The following CENPP variants were observed in gnomAD, a reference collection of about 807,000 sequenced individuals.
CENPP encodes centromere protein P.
Under a neutral mutation model 35.6 loss-of-function variants are expected in CENPP, and 24 were observed. That is an observed-to-expected ratio of 0.67 (90% confidence interval 0.49 to 0.95). The LOEUF (loss-of-function observed/expected upper bound fraction) is 0.95, where lower values mean the gene tolerates loss of function less well. Among genes scored for constraint, CENPP ranks in the 40% least tolerant of loss-of-function variants. The pLI is 0.00. For missense variants in CENPP, 332 were observed against 345.3 expected (o/e 0.96, Z 0.31); for synonymous variants, 120 against 125.5 (o/e 0.96, Z 0.29).
At chr9:92,357,924 A>T (rs910614941) in intron 4 of CENPP, among the ~76,000 whole-genome samples, 1 of 152,062 alleles carries the variant, frequency 6.6e-6, no homozygotes, top group Non-Finnish European at 1.5e-5. Flanking sequence ...TTCTGATGAA[A>T]AATCTGCTGA....
chr9:92,477,450 G>A (rs186618152), intron 5 of CENPP, among the ~76,000 whole-genome samples: 1 of 152,086 alleles, frequency 6.6e-6, no homozygotes, highest in Admixed American at 6.5e-5. Flanking sequence ...ATCAAAGTTG[G>A]CCCCTGATTC....
chr9:92,334,772 C>T (rs1288152662), intron 2 of CENPP, among the ~76,000 whole-genome samples: 2 of 151,598 alleles, frequency 1.3e-5, no homozygotes, highest in Non-Finnish European at 2.9e-5. Context: ...CCCAGCTGCT[C>T]GGGAGGCTGA....
chr9:92,354,260 C>T (rs1464344456), intron 4 of CENPP, among the ~76,000 whole-genome samples: 1 of 152,170 alleles, frequency 6.6e-6, no homozygotes, highest in South Asian at 2.1e-4. Flanking sequence ...ATGGAATAGG[C>T]CCAATATAAT....
chr9:92,427,638 G>A (rs1287036469), intron 5 of CENPP, among the ~76,000 whole-genome samples: 1 of 151,646 alleles, frequency 6.6e-6, no homozygotes, highest in East Asian at 1.9e-4. Context: ...GTGCCACCAT[G>A]TCTGGCTAAT....
intron 5 of CENPP, among the ~76,000 whole-genome samples, chr9:92,441,532 G>A (rs930673052): frequency 3.3e-5 from 5 of 152,134 alleles, no homozygotes; most frequent in African/African-American, 1.2e-4. Flanking sequence ...GCTGAGGCAG[G>A]CAGATCACTT....
At position 92,532,019 on chromosome 9, in the gene CENPP, TTTTTTTTTTATTTTA is replaced by T. The variant is rs991021425; in HGVS notation, c.565-79285_565-79271del. ...CTTTTTCTTTTTTTATTTAATGTTT[TTTTTTTTTTATTTTA>T]TTTTTTTTTTGAGATGAGGTCTCAC... On this transcript the variant is annotated intron_variant, in intron 5 of 7. Transcript: ENST00000375587. Among the ~76,000 whole-genome samples, 5 of 127,146 alleles carry T rather than the reference TTTTTTTTTTATTTTA, an allele frequency of 3.9e-5. 1 individual carries two copies. The highest frequency in any genetic ancestry group is 1.8e-4 in the African/African-American group (5 of 27,142). 83.4% of individuals were successfully genotyped at this position (127,146 alleles called of 152,430 possible). A position where few individuals can be genotyped will look rare whatever the true frequency, so the allele number is the denominator to read the frequency against.
chr9:92,422,533 A>T (rs1843838454), intron 5 of CENPP, among the ~76,000 whole-genome samples: 2 of 152,164 alleles, frequency 1.3e-5, no homozygotes, highest in African/African-American at 4.8e-5. Flanking sequence ...GGTTTTTAAT[A>T]TTGTCTGCTT....
At chr9:92,563,556 A>G (rs1381263986) in intron 5 of CENPP, among the ~76,000 whole-genome samples, 2 of 152,224 alleles carry the variant, frequency 1.3e-5, no homozygotes, top group African/African-American at 4.8e-5. Flanking sequence ...ATGTGAAGTT[A>G]TTTTGGAAAT....
intron 4 of CENPP, among the ~76,000 whole-genome samples, chr9:92,376,679 A>T (rs538525220): frequency 3.9e-4 from 59 of 152,318 alleles, no homozygotes; most frequent in African/African-American, 1.4e-3. Flanking sequence ...TTTATTATGC[A>T]GATGGGTTCT....
rs935198897 is a variant in CENPP at position 92,612,735 on chromosome 9, T to C, written c.736+121T>C. On this transcript the variant is annotated intron_variant, in intron 7 of 7. Coordinates refer to ENST00000375587, the MANE Select transcript of CENPP (RefSeq NM_001012267.3). ...AAATTGGAAATCTCATTAATGTACT[T>C]TGTCTATCAATTTTTAAATATTTTT... 148 of 758,808 alleles carry C rather than the reference T, an allele frequency of 2.0e-4. 1 individual carries two copies. Among genetic ancestry groups the C allele is most frequent in the Admixed American group, 5.9e-4 (24 of 40,374 alleles). The allele number at this position is 758,808 out of a possible 1,614,324, so 47.0% of individuals were successfully genotyped here.
chr9:92,573,698 G>C (rs189886606), intron 5 of CENPP, among the ~76,000 whole-genome samples: 2 of 152,160 alleles, frequency 1.3e-5, no homozygotes, highest in African/African-American at 4.8e-5. Flanking sequence ...GCCCCGAGAG[G>C]TGGAGTCTAC....
intron 4 of CENPP, among the ~76,000 whole-genome samples, chr9:92,358,767 C>G (rs1841658504): frequency 6.6e-6 from 1 of 151,784 alleles, no homozygotes; most frequent in South Asian, 2.1e-4. Flanking sequence ...ATTGATATTT[C>G]TATTGTGTTC....
At chr9:92,595,583 T>C (rs1202262546) in intron 5 of CENPP, among the ~76,000 whole-genome samples, 1 of 151,782 alleles carries the variant, frequency 6.6e-6, no homozygotes, top group African/African-American at 2.4e-5. Context: ...TTGTTTTTTT[T>C]TTCATGGAGT....
At chr9:92,449,780 G>C (rs1244654240) in intron 5 of CENPP, among the ~76,000 whole-genome samples, 1 of 152,066 alleles carries the variant, frequency 6.6e-6, no homozygotes, top group African/African-American at 2.4e-5. Flanking sequence ...GTGAAATGCT[G>C]CTCCCCCTTC....
intron 4 of CENPP, among the ~76,000 whole-genome samples, chr9:92,379,031 G>A (rs1343652039): frequency 6.6e-6 from 1 of 152,186 alleles, no homozygotes; most frequent in Non-Finnish European, 1.5e-5. Flanking sequence ...AAATTCTGGA[G>A]TTCCCACATA....
At chr9:92,560,011 A>G (rs918222363) in intron 5 of CENPP, among the ~76,000 whole-genome samples, 1 of 152,170 alleles carries the variant, frequency 6.6e-6, no homozygotes, top group African/African-American at 2.4e-5. Context: ...AAGGTGGCAC[A>G]TAACTATAGT....
intron 4 of CENPP, among the ~76,000 whole-genome samples, chr9:92,364,198 GA>G (rs1211544273): frequency 4.7e-5 from 7 of 149,018 alleles, no homozygotes; most frequent in East Asian, 2.0e-4. Context: ...TTTTCAATTA[GA>G]AAAAAAAATT....
intron 4 of CENPP, among the ~76,000 whole-genome samples, chr9:92,359,569 T>A (rs1348199561): frequency 1.3e-5 from 2 of 152,128 alleles, no homozygotes; most frequent in Non-Finnish European, 2.9e-5. Context: ...CTAGTCTTGA[T>A]TGTTCGGCTC....
At chr9:92,454,691 T>G (rs1188911075) in intron 5 of CENPP, among the ~76,000 whole-genome samples, 1 of 152,208 alleles carries the variant, frequency 6.6e-6, no homozygotes, top group African/African-American at 2.4e-5. Context: ...TATATATTTT[T>G]ATCATTTATT....
Sources: allele counts gnomAD v4.1 joint callset (sites outside exome capture counted in the v4.1 genomes callset), GRCh38; gene constraint gnomAD v4.1.1; transcripts MANE v1.5; gene names NCBI Gene and HGNC (gene_info 2026-07-23, HGNC 2026-07-21).